PRSS54: variants seen among roughly 807,000 people sequenced by gnomAD.
PRSS54 encodes inactive serine protease 54.
PRSS54 carries 16 observed loss-of-function variants against 19.9 expected under a neutral mutation model. That is an observed-to-expected ratio of 0.80 (90% confidence interval 0.54 to 1.22). The LOEUF (loss-of-function observed/expected upper bound fraction) is 1.22, where lower values mean the gene tolerates loss of function less well. Among genes scored for constraint, PRSS54 ranks in the 50% most tolerant of loss-of-function variants. The pLI, the probability that PRSS54 is intolerant of heterozygous loss-of-function variation, is 0.00. For synonymous variants in PRSS54, 177 were observed against 195.8 expected, an observed-to-expected ratio of 0.90 and a Z score of 0.80; for missense variants, 444 against 494.8, an observed-to-expected ratio of 0.90 and a Z score of 0.97.
intron 4 of PRSS54, among the ~76,000 whole-genome samples, chr16:58,290,099 T>A (rs1415445053): frequency 1.2e-5 from 1 of 82,058 alleles, no homozygotes; most frequent in Admixed American, 1.0e-4. Flanking sequence ...ATACATATAT[T>A]ACAATATCAT....
At chr16:58,280,920 A>G (rs1416381461) in intron 6 of PRSS54, 163 bp from the exon 7 acceptor site, 3 of 616,992 alleles carry the variant, frequency 4.9e-6, no homozygotes, top group East Asian at 5.5e-5. Flanking sequence ...AGCCACCACC[A>G]CAAATTCCAA....
At chr16:58,287,098 A>C (rs1476688873) in intron 4 of PRSS54, among the ~76,000 whole-genome samples, 4 of 152,232 alleles carry the variant, frequency 2.6e-5, no homozygotes, top group African/African-American at 9.6e-5. Flanking sequence ...AAAGAAAGTA[A>C]CCAAAATGAT....
chr16:58,284,642 T>C lies in PRSS54; in HGVS notation c.602A>G (p.Gln201Arg). 5.0e-6 allele frequency: 8 copies of C among 1,614,104 alleles called. No individual in the cohort carries two copies. The highest frequency in any genetic ancestry group is 5.9e-6 in the Non-Finnish European group (7 of 1,179,964). ...CGTGTGGCTGCCGCATTCTGTCTTCTGGAGTTTGTATAGGGGACACATGTC... is the reference window on the plus strand; with the variant it reads ...CGTGTGGCTGCCGCATTCTGTCTTCCGGAGTTTGTATAGGGGACACATGTC... ...DLDMCPLYKL[Q>R]KTECGSHTKE... Residue 201 changes from glutamine to arginine, a missense_variant, in exon 6 of 7, where the codon CAG (glutamine) becomes CGG (arginine). Gln to Arg is a conservative substitution (Grantham distance 43). Transcript: ENST00000567164.
chr16:58,292,120 G>A (rs1478636489), intron 3 of PRSS54, among the ~76,000 whole-genome samples: 1 of 152,032 alleles, frequency 6.6e-6, no homozygotes, highest in Non-Finnish European at 1.5e-5. Context: ...GCAGAGATGA[G>A]GTTTTGCCAT....
At chr16:58,290,229 T>G (rs1046143944) in intron 4 of PRSS54, among the ~76,000 whole-genome samples, 6 of 151,578 alleles carry the variant, frequency 4.0e-5, no homozygotes, top group East Asian at 1.9e-4. Flanking sequence ...ATCCCGATAG[T>G]GGGACATTAG....
intron 4 of PRSS54, 136 bp downstream of exon 4, chr16:58,290,823 G>A: frequency 2.2e-6 from 2 of 924,954 alleles, no homozygotes; most frequent in South Asian, 1.7e-5. Flanking sequence ...TCACGACAGA[G>A]CAAGCGCTGA....
At position 58,293,793 on chromosome 16, in the gene PRSS54, A is replaced by G. The variant is rs1965090136; in HGVS notation, c.24T>C (p.Ser8=). ...GCACCCCTCGCATCTTGCCATCCCC[A>G]GAGAGACCCGCCGCGGACACCATGG... MVSAAGL[S]GDGKMRGVLL... The change falls in exon 3 of 7, where the codon TCT becomes TCC. Residue 8 remains serine (S), a synonymous_variant. Transcript: ENST00000567164. 1 of 1,613,062 alleles carries G rather than the reference A, an allele frequency of 6.2e-7. No homozygotes were observed. The highest frequency in any genetic ancestry group is 1.3e-5 in the African/African-American group (1 of 74,906).
At chr16:58,285,892 T>G (rs760159753) in intron 5 of PRSS54, 45 bp downstream of exon 5, 1 of 1,607,710 alleles carries the variant, frequency 6.2e-7, no homozygotes. Flanking sequence ...TCACCCCCAC[T>G]GCCAGCACAC....
At chr16:58,293,085 G>A (rs2142655834) in intron 3 of PRSS54, among the ~76,000 whole-genome samples, 1 of 151,980 alleles carries the variant, frequency 6.6e-6, no homozygotes, top group South Asian at 2.1e-4. Context: ...GTGTGTGTTT[G>A]AGAGTGTGTG....
Position 58,280,040 on chromosome 16 carries a change from G to A in PRSS54, c.*184C>T. 1.5e-6 allele frequency: 1 copy of A among 656,150 alleles called. No individual in the cohort carries two copies. Among genetic ancestry groups the A allele is most frequent in the Non-Finnish European group, 2.6e-6 (1 of 383,062 alleles). 40.6% of individuals were successfully genotyped at this position (656,150 alleles called of 1,614,324 possible). A position where few individuals can be genotyped will look rare whatever the true frequency, so the allele number is the denominator to read the frequency against. On this transcript the variant is annotated 3_prime_UTR_variant, in exon 7 of 7. Coordinates refer to ENST00000567164, the MANE Select transcript of PRSS54 (RefSeq NM_001305173.2). Reference sequence around the variant, plus strand: ...CCAGCATTTAGTTCACAAGCATAGTGAAAGTGACCTTCCCACACCTGGGAG... The same window carrying A: ...CCAGCATTTAGTTCACAAGCATAGTAAAAGTGACCTTCCCACACCTGGGAG...
chr16:58,289,138 A>G (rs759326554), intron 4 of PRSS54, among the ~76,000 whole-genome samples: 13 of 152,092 alleles, frequency 8.5e-5, no homozygotes, highest in Middle Eastern at 3.4e-3. Flanking sequence ...AGAGAAAGAG[A>G]CACCAAGAGT....
rs1020732481 is a variant in PRSS54 at position 58,293,025 on chromosome 16, C to T, written c.85+707G>A. Among the ~76,000 whole-genome samples the T allele has an allele frequency of 2.0e-5, 3 of 151,976 alleles. No individual in the cohort carries two copies. The East Asian group carries it at 5.8e-4, about 29-fold the overall frequency. On this transcript the variant is annotated intron_variant, in intron 3 of 6. Transcript: ENST00000567164. Reference sequence around the variant, plus strand: ...AGGCTGAGGGAGCTGGAGGACTCCCCTCTATGTGTGTGCGTGTATGTGTGT... The same window carrying T: ...AGGCTGAGGGAGCTGGAGGACTCCCTTCTATGTGTGTGCGTGTATGTGTGT...
At chr16:58,293,284 G>T (rs961090903) in intron 3 of PRSS54, among the ~76,000 whole-genome samples, 1 of 152,156 alleles carries the variant, frequency 6.6e-6, no homozygotes, top group Non-Finnish European at 1.5e-5. Context: ...GGTCAAGGGA[G>T]GAGGGGACCG....
Position 58,280,630 on chromosome 16 carries a change from C to T in PRSS54, c.782G>A (p.Ser261Asn). ...LFLYTKVEDY[S>N]KWITSKAERA... ...CTCAGCCTTGGATGTGATCCATTTGCTGTAGTCTTCCACCTTGGTGTACAG... is the reference window on the plus strand; with the variant it reads ...CTCAGCCTTGGATGTGATCCATTTGTTGTAGTCTTCCACCTTGGTGTACAG... The change falls in exon 7 of 7, where the codon AGC becomes AAC. Residue 261 changes from serine (S) to asparagine (N), a missense_variant. By Grantham distance (46) the Ser-to-Asn change is conservative. Coordinates refer to ENST00000567164, the MANE Select transcript of PRSS54 (RefSeq NM_001305173.2). 6.2e-7 allele frequency: 1 copy of T among 1,614,146 alleles called. No individual in the cohort carries two copies. Among genetic ancestry groups the T allele is most frequent in the Non-Finnish European group, 8.5e-7 (1 of 1,180,030 alleles).
chr16:58,286,229 A>G (rs1198245445), intron 4 of PRSS54, 34 bp from the exon 5 acceptor site: 2 of 1,610,178 alleles, frequency 1.2e-6, no homozygotes, highest in African/African-American at 1.3e-5. Flanking sequence ...TGAGAAGCCA[A>G]GACAGCAAGG....
At chr16:58,292,040 T>A (rs890865487) in intron 3 of PRSS54, among the ~76,000 whole-genome samples, 3 of 152,198 alleles carry the variant, frequency 2.0e-5, no homozygotes, top group Admixed American at 6.5e-5. Flanking sequence ...GCGACTCCCC[T>A]GCCTCAGCCT....
chr16:58,285,880 G>C, intron 5 of PRSS54, 57 bp downstream of exon 5: 4 of 1,597,584 alleles, frequency 2.5e-6, no homozygotes, highest in Non-Finnish European at 3.4e-6. Context: ...GGATTATCCA[G>C]GTCACCCCCA....
rs567863358 is a variant in PRSS54 at position 58,288,051 on chromosome 16, A to G, written c.264-1856T>C. On this transcript the variant is annotated intron_variant, in intron 4 of 6. Coordinates refer to ENST00000567164, the MANE Select transcript of PRSS54 (RefSeq NM_001305173.2). ...AGTAGACAGACAGGACAACCTCAAC[A>G]AATCCTAAATAGATCACCACGTGGT... Among the ~76,000 whole-genome samples the G allele has an allele frequency of 1.7e-3, 254 of 152,306 alleles. 1 individual carries two copies. Among genetic ancestry groups the G allele is most frequent in the African/African-American group, 5.9e-3 (246 of 41,566 alleles).
chr16:58,289,831 C>T (rs1964998464), intron 4 of PRSS54, among the ~76,000 whole-genome samples: 1 of 152,138 alleles, frequency 6.6e-6, no homozygotes, highest in Non-Finnish European at 1.5e-5. Flanking sequence ...CCCGTCTCAG[C>T]CTCCCAAAGT....
Sources: gnomAD v4.1 joint callset for allele counts (sites outside exome capture counted in the v4.1 genomes callset) on GRCh38, gnomAD v4.1.1 for gene constraint, MANE v1.5 for transcripts, NCBI Gene and HGNC (gene_info 2026-07-23, HGNC 2026-07-21) for gene names.